Variants in CTNNA2 observed in about 807,000 individuals in gnomAD.
CTNNA2 encodes catenin alpha-2.
Under a neutral mutation model 101.0 loss-of-function variants are expected in CTNNA2, and 42 were observed. That is an observed-to-expected ratio of 0.42 (90% CI 0.32 to 0.54). CTNNA2 has a LOEUF of 0.54. CTNNA2 is among the 20% of genes least tolerant of loss of function. The pLI is 0.14. For missense variants in CTNNA2, 871 were observed against 1,223.1 expected, an observed-to-expected ratio of 0.71 and a Z score of 4.29; for synonymous variants, 450 against 456.4, an observed-to-expected ratio of 0.99 and a Z score of 0.18.
chr2:79,534,926 A>G (rs1305751992), intron 1 of CTNNA2, among the ~76,000 whole-genome samples: 3 of 151,844 alleles, frequency 2.0e-5, no homozygotes, highest in Non-Finnish European at 2.9e-5. Flanking sequence ...CCTGCAAAAC[A>G]AATAGAAAAA....
chr2:79,694,789 A>G lies in CTNNA2; in HGVS notation c.102+43131A>G, dbSNP rs151253424. Among the ~76,000 whole-genome samples, 449 of 152,000 alleles carry G rather than the reference A, an allele frequency of 3.0e-3. 4 individuals carry two copies. The highest frequency in any genetic ancestry group is 0.01 in the African/African-American group (427 of 41,518). ...AAAGTAATTTTAATAGAAAGTAGAG[A>G]ACAAGTGGCTTCCTTAAATCTTCTT... On this transcript the variant is annotated intron_variant, in intron 2 of 18. Transcript: ENST00000402739.
intron 9 of CTNNA2, among the ~76,000 whole-genome samples, chr2:80,434,485 CTTTTTTTTTTTTTT>C (rs1169944635): frequency 3.1e-4 from 28 of 89,962 alleles, no homozygotes; most frequent in Non-Finnish European, 8.0e-5. Flanking sequence ...TTCTGTGTCT[CTTTTTTTTTTTTTT>C]TTTTTTTTTG....
At chr2:79,711,446 C>T (rs1013483946) in intron 2 of CTNNA2, among the ~76,000 whole-genome samples, 2 of 152,116 alleles carry the variant, frequency 1.3e-5, no homozygotes, top group Non-Finnish European at 2.9e-5. Context: ...TGCCCAATCC[C>T]AGAAGGCAGA....
At chr2:80,574,063 C>A in intron 12 of CTNNA2, 100 bp from the exon 13 acceptor site, 1 of 1,285,734 alleles carries the variant, frequency 7.8e-7, no homozygotes, top group East Asian at 2.4e-5. Context: ...CTCCACTTAA[C>A]TTTTAGAATG....
intron 4 of CTNNA2, among the ~76,000 whole-genome samples, chr2:79,415,232 G>C (rs977215824): frequency 6.6e-6 from 1 of 152,050 alleles, no homozygotes; most frequent in Admixed American, 6.6e-5. Context: ...TTAAAAGAAT[G>C]TGGCACCTCC....
At chr2:80,547,342 A>G (rs188794803) in intron 11 of CTNNA2, among the ~76,000 whole-genome samples, 101 of 152,298 alleles carry the variant, frequency 6.6e-4, no homozygotes, top group Admixed American at 1.7e-3. Flanking sequence ...TCTATAAAAT[A>G]GGTACTACTA....
At chr2:80,464,982 C>T (rs2117277) in intron 9 of CTNNA2, among the ~76,000 whole-genome samples, 44,497 of 151,964 alleles carry the variant, frequency 0.29, 7,476 homozygotes, top group East Asian at 0.66. Context: ...ATGGCATAAA[C>T]CCTCATAAAT....
Position 80,500,236 on chromosome 2 carries a change from G to A in CTNNA2, c.1291-44746G>A, listed in dbSNP as rs370966196. Among the ~76,000 whole-genome samples, 40 of 152,210 alleles carry A rather than the reference G, an allele frequency of 2.6e-4. No homozygotes were observed. The East Asian group carries it at 6.4e-3, about 24-fold the overall frequency. On this transcript the variant is annotated intron_variant, in intron 9 of 18. Coordinates refer to ENST00000402739, the MANE Select transcript of CTNNA2 (RefSeq NM_001282597.3). The stretch of plus-strand genomic sequence containing the variant: ...CAGAAGCTATGTGAGAATGGGATCC[G>A]CAAAAATGCAGAATAAAAGTTTACT...
intron 3 of CTNNA2, among the ~76,000 whole-genome samples, chr2:79,847,556 A>AAG (rs1417163987): frequency 6.7e-6 from 1 of 150,146 alleles, no homozygotes; most frequent in Non-Finnish European, 1.5e-5. Flanking sequence ...AAAAAAAAAA[A>AAG]AAAAAAAAAA....
intron 2 of CTNNA2, among the ~76,000 whole-genome samples, chr2:79,237,756 A>G (rs1674575537): frequency 6.6e-6 from 1 of 152,190 alleles, no homozygotes; most frequent in Non-Finnish European, 1.5e-5. Context: ...AACATTATGT[A>G]CCAACCTCTG....
At chr2:80,100,842 A>G (rs1427379065) in intron 7 of CTNNA2, among the ~76,000 whole-genome samples, 2 of 152,228 alleles carry the variant, frequency 1.3e-5, no homozygotes, top group African/African-American at 4.8e-5. Context: ...TTCCACCTCC[A>G]GCTTTGGAGA....
At chr2:80,077,449 A>G (rs1698832281) in intron 7 of CTNNA2, among the ~76,000 whole-genome samples, 1 of 152,070 alleles carries the variant, frequency 6.6e-6, no homozygotes, top group South Asian at 2.1e-4. Flanking sequence ...AATTTTTAGA[A>G]AAACAACAAC....
At chr2:80,181,695 A>G (rs989929408) in intron 7 of CTNNA2, among the ~76,000 whole-genome samples, 1 of 152,104 alleles carries the variant, frequency 6.6e-6, no homozygotes, top group Non-Finnish European at 1.5e-5. Context: ...TAGGCAACCA[A>G]CTTCATTATA....
intron 7 of CTNNA2, among the ~76,000 whole-genome samples, chr2:80,046,967 G>A (rs1206048051): frequency 6.6e-6 from 1 of 152,108 alleles, no homozygotes; most frequent in East Asian, 1.9e-4. Context: ...TATGCATGTA[G>A]GATGTTTAGC....
chr2:80,241,939 A>T (rs1450795738), intron 7 of CTNNA2, among the ~76,000 whole-genome samples: 1 of 152,214 alleles, frequency 6.6e-6, no homozygotes, highest in Non-Finnish European at 1.5e-5. Context: ...TTGTTGATTT[A>T]ATAACTGTCA....
chr2:80,571,528 G>T (rs1479564412), intron 12 of CTNNA2, among the ~76,000 whole-genome samples: 1 of 152,010 alleles, frequency 6.6e-6, no homozygotes, highest in African/African-American at 2.4e-5. Context: ...TATTTAAAGT[G>T]GTATATATCC....
At chr2:79,669,039 A>C (rs192970954) in intron 2 of CTNNA2, among the ~76,000 whole-genome samples, 7 of 152,176 alleles carry the variant, frequency 4.6e-5, no homozygotes, top group African/African-American at 1.4e-4. Flanking sequence ...TCTCACGTGG[A>C]GATCTTGCAG....
chr2:79,262,722 C>G (rs552335570), intron 2 of CTNNA2, among the ~76,000 whole-genome samples: 11 of 152,266 alleles, frequency 7.2e-5, no homozygotes, highest in African/African-American at 2.6e-4. Flanking sequence ...TTAACAAGCC[C>G]TCCAGGTGAT....
At chr2:79,853,170 G>GT (rs967734074) in intron 3 of CTNNA2, among the ~76,000 whole-genome samples, 9 of 149,250 alleles carry the variant, frequency 6.0e-5, no homozygotes, top group Non-Finnish European at 1.1e-4. Context: ...ACCTTGTTTT[G>GT]TTTTTTTGAG....
Sources: allele counts gnomAD v4.1 joint callset (sites outside exome capture counted in the v4.1 genomes callset), GRCh38; gene constraint gnomAD v4.1.1; transcripts MANE v1.5; gene names NCBI Gene and HGNC (gene_info 2026-07-23, HGNC 2026-07-21).